The following AP2A1 variants were observed in gnomAD, a reference collection of about 807,000 sequenced individuals.
AP2A1 encodes AP-2 complex subunit alpha-1.
Under a neutral mutation model 107.3 loss-of-function variants are expected in AP2A1, and 21 were observed. That is an observed-to-expected ratio of 0.20 (90% CI 0.14 to 0.28). AP2A1 has a LOEUF of 0.28. Ranked by LOEUF, AP2A1 falls within the 10% of genes least tolerant of loss-of-function variation. The pLI, the probability that AP2A1 is intolerant of heterozygous loss-of-function variation, is 1.00. For synonymous variants in AP2A1, 602 were observed against 564.8 expected (o/e 1.07, Z -0.93); for missense variants, 873 against 1,307.7 (o/e 0.67, Z 5.13).
At chr19:49,801,955 C>G (rs1176150798) in intron 14 of AP2A1, 26 bp from the exon 15 acceptor site, 1 of 1,470,696 alleles carries the variant, frequency 6.8e-7, no homozygotes, top group Non-Finnish European at 9.0e-7. Flanking sequence ...GCCGCCTGTC[C>G]TCACCGTGAC....
intron 4 of AP2A1, 143 bp downstream of exon 4, chr19:49,782,867 T>G: frequency 1.0e-6 from 1 of 994,876 alleles, no homozygotes; most frequent in Non-Finnish European, 1.4e-6. Context: ...ACCCAGTGGT[T>G]CCGGTGGCAG....
intron 6 of AP2A1, among the ~76,000 whole-genome samples, chr19:49,793,755 T>G (rs956944957): frequency 1.3e-5 from 2 of 152,000 alleles, no homozygotes; most frequent in African/African-American, 4.8e-5. Context: ...ACACAGCCTG[T>G]GAGTCCACGA....
intron 11 of AP2A1, 50 bp downstream of exon 11, chr19:49,800,200 C>A: frequency 6.4e-7 from 1 of 1,551,300 alleles, no homozygotes; most frequent in Non-Finnish European, 8.8e-7. Flanking sequence ...GACCTAGAGG[C>A]AGAGCAAGGA....
chr19:49,795,590 C>CCCCCCCCCCCCCCCAAAAATTATTTTGAT, intron 6 of AP2A1, 40 bp from the exon 7 acceptor site: 1 of 755,900 alleles, frequency 1.3e-6, no homozygotes, highest in South Asian at 1.5e-5. Context: ...GTGCCCCTCC[C>CCCCCCCCCCCCCCCAAAAATTATTTTGAT]ACCCCAGCCC....
At chr19:49,795,546 G>T in intron 6 of AP2A1, 84 bp from the exon 7 acceptor site, 1 of 886,374 alleles carries the variant, frequency 1.1e-6, no homozygotes. Flanking sequence ...CCCTTGGAAG[G>T]CACCATTTGC....
chr19:49,767,529 T>C (rs533815442), intron 1 of AP2A1, among the ~76,000 whole-genome samples: 1 of 151,186 alleles, frequency 6.6e-6, no homozygotes, highest in Non-Finnish European at 1.5e-5. Flanking sequence ...AACGATGGGG[T>C]TAGAGGGATT....
chr19:49,786,893 G>T (rs2084743671), intron 4 of AP2A1, among the ~76,000 whole-genome samples: 1 of 152,202 alleles, frequency 6.6e-6, no homozygotes, highest in African/African-American at 2.4e-5. Flanking sequence ...CTCTGCCAGG[G>T]TCAAGGGGCC....
At chr19:49,774,800 T>C (rs572421516) in intron 1 of AP2A1, among the ~76,000 whole-genome samples, 1 of 151,916 alleles carries the variant, frequency 6.6e-6, no homozygotes, top group East Asian at 1.9e-4. Flanking sequence ...ACACCTGTAG[T>C]CCTAGCCACT....
rs767700300 is a variant in AP2A1, at chr19:49,785,607, G to A, written c.473+2883G>A. Among the ~76,000 whole-genome samples the A allele has an allele frequency of 9.9e-5, 15 of 152,022 alleles. No homozygotes were observed. Among genetic ancestry groups the A allele is most frequent in the Admixed American group, 2.6e-4 (4 of 15,244 alleles). ...GAGAGATCTGAGAGAGATCGGCACC[G>A]TCCAATAAAAATATAATGCAAAATA... is the stretch of plus-strand genomic sequence containing the variant. On this transcript the variant is annotated intron_variant, in intron 4 of 22. Transcript: ENST00000354293. This position sits in a 1 kb window ranked among gnomAD's most constrained non-coding sequence, Gnocchi z 4.1.
At chr19:49,790,515 C>T (rs939235173) in intron 4 of AP2A1, among the ~76,000 whole-genome samples, 1 of 152,214 alleles carries the variant, frequency 6.6e-6, no homozygotes, top group African/African-American at 2.4e-5. Context: ...CCTCCCACCT[C>T]AGCCTGCCAA....
chr19:49,795,631 T>A lies in AP2A1; in HGVS notation c.707T>A (p.Ile236Asn). 1 of 1,235,852 alleles carries A rather than the reference T, an allele frequency of 8.1e-7. No homozygotes were observed. The highest frequency in any genetic ancestry group is 1.1e-6 in the Non-Finnish European group (1 of 932,518). The allele number at this position is 1,235,852 out of a possible 1,614,324, so 76.6% of individuals were successfully genotyped here. Residue 236 changes from isoleucine to asparagine, a missense_variant and splice_region_variant, in exon 7 of 23, where the codon ATC becomes AAC. Ile to Asn is a moderately radical substitution (Grantham distance 149). Coordinates refer to ENST00000354293, the MANE Select transcript of AP2A1 (RefSeq NM_130787.3). ...TTATTTCTTGCTCTTCCCCGCCAGA[T>A]CGTCTCCTCTGCCTCCACCGACCTC... is the stretch of plus-strand genomic sequence containing the variant. ...VSLAVSRLSR[I>N]VSSASTDLQD...
chr19:49,802,423 C>T lies in AP2A1; in HGVS notation c.2114+282C>T, dbSNP rs146749572. On this transcript the variant is annotated intron_variant, in intron 15 of 22. Coordinates refer to ENST00000354293, the MANE Select transcript of AP2A1 (RefSeq NM_130787.3). ...TCTTCCTTTTCTCCTTCTCTCCTTC[C>T]CTCTTCCGTCCCTCCCTCTCTGTCT... 2.4e-3 allele frequency: 2,662 copies of T among 1,096,674 alleles called. 67 individuals carry two copies. In the East Asian group the frequency reaches 0.043, roughly 18 times the overall value. 67.9% of individuals were successfully genotyped at this position (1,096,674 alleles called of 1,614,324 possible). A position where few individuals can be genotyped will look rare whatever the true frequency, so the allele number is the denominator to read the frequency against.
At chr19:49,786,652 C>T (rs180700325) in intron 4 of AP2A1, among the ~76,000 whole-genome samples, 2 of 152,284 alleles carry the variant, frequency 1.3e-5, no homozygotes, top group East Asian at 3.9e-4. Flanking sequence ...CAGGCCATGA[C>T]TCAGAATGCT....
chr19:49,771,827 C>G (rs1052743201), intron 1 of AP2A1, among the ~76,000 whole-genome samples: 5 of 152,102 alleles, frequency 3.3e-5, no homozygotes, highest in Non-Finnish European at 7.4e-5. Context: ...TGCGGCCTGG[C>G]TTTGCTTCAC....
chr19:49,795,497 A>G (rs2073200558), intron 6 of AP2A1, 133 bp from the exon 7 acceptor site: 3 of 653,296 alleles, frequency 4.6e-6, no homozygotes, highest in Admixed American at 2.6e-5. Context: ...TCTCTACAAA[A>G]AAAACCCACT....
At chr19:49,798,258 G>T (rs986156034) in intron 7 of AP2A1, among the ~76,000 whole-genome samples, 1 of 152,166 alleles carries the variant, frequency 6.6e-6, no homozygotes, top group African/African-American at 2.4e-5. Flanking sequence ...GGGGGGTGAG[G>T]GGGCACCTGG....
chr19:49,799,617 C>T lies in AP2A1; in HGVS notation c.1135-12C>T. 6.2e-7 allele frequency: 1 copy of T among 1,607,544 alleles called. No individual in the cohort carries two copies. The highest frequency in any genetic ancestry group is 8.5e-7 in the Non-Finnish European group (1 of 1,179,278). On this transcript the variant is annotated splice_polypyrimidine_tract_variant and intron_variant, in intron 9 of 22. Transcript: ENST00000354293. Reference sequence around the variant, plus strand: ...GTCTAAAACACACCTGGGCTCTGCTCTCCGCCCTCAGACGGAGCGGGACGT... The same window carrying T: ...GTCTAAAACACACCTGGGCTCTGCTTTCCGCCCTCAGACGGAGCGGGACGT...
chr19:49,804,927 T>C (rs905342706), intron 18 of AP2A1: 1 of 152,606 alleles, frequency 6.6e-6, no homozygotes, highest in African/African-American at 2.4e-5. Context: ...TGTCCTTGTG[T>C]TGAGACAGGG....
At chr19:49,781,707 T>C in intron 1 of AP2A1, 50 bp from the exon 2 acceptor site, 1 of 1,535,312 alleles carries the variant, frequency 6.5e-7, no homozygotes. Flanking sequence ...AGAGGGCAGG[T>C]GGCTGACTCC....
Sources: allele counts gnomAD v4.1 joint callset (sites outside exome capture counted in the v4.1 genomes callset), GRCh38; gene constraint gnomAD v4.1.1; non-coding constraint Gnocchi (gnomAD v3.1); transcripts MANE v1.5; gene names NCBI Gene and HGNC (gene_info 2026-07-23, HGNC 2026-07-21).